KCNH7: variants seen among roughly 807,000 people sequenced by gnomAD.
KCNH7 encodes voltage-gated inwardly rectifying potassium channel KCNH7.
KCNH7 carries 49 observed loss-of-function variants against 120.8 expected under a neutral mutation model. That is an observed-to-expected ratio of 0.41 (90% CI 0.32 to 0.51). The LOEUF (loss-of-function observed/expected upper bound fraction) is 0.51. KCNH7 is among the 20% of genes least tolerant of loss of function. The probability of loss-of-function intolerance (pLI) is 0.38; values close to 1 mark genes in which losing one functional copy is unlikely to be tolerated. For missense variants in KCNH7, 1,097 were observed against 1,446.6 expected (o/e 0.76, Z 3.92); for synonymous variants, 547 against 516.1 (o/e 1.06, Z -0.81).
chr2:162,753,458 G>A (rs934685644), intron 2 of KCNH7, among the ~76,000 whole-genome samples: 48 of 152,104 alleles, frequency 3.2e-4, no homozygotes, highest in African/African-American at 1.1e-3. Flanking sequence ...CCTGCTCCCT[G>A]GAATCTGAAT....
At chr2:162,467,280 C>T (rs1689340040) in intron 6 of KCNH7, among the ~76,000 whole-genome samples, 1 of 152,172 alleles carries the variant, frequency 6.6e-6, no homozygotes, top group Admixed American at 6.5e-5. Context: ...ACCATGCTTG[C>T]TATAGTTTGG....
intron 2 of KCNH7, among the ~76,000 whole-genome samples, chr2:162,647,093 A>T (rs1022983196): frequency 2.6e-5 from 4 of 152,200 alleles, no homozygotes; most frequent in African/African-American, 9.6e-5. Flanking sequence ...TCCCAGGGCC[A>T]TGAGGTTGCT....
intron 2 of KCNH7, among the ~76,000 whole-genome samples, chr2:162,567,229 T>C (rs1291579213): frequency 6.6e-6 from 1 of 152,026 alleles, no homozygotes; most frequent in African/African-American, 2.4e-5. Flanking sequence ...ATCTTCTAAA[T>C]GACCCTCTAA....
chr2:162,590,100 G>A (rs1021621844), intron 2 of KCNH7, among the ~76,000 whole-genome samples: 31 of 152,020 alleles, frequency 2.0e-4, no homozygotes, highest in Admixed American at 1.6e-3. Flanking sequence ...GGTGCAAGTC[G>A]GGGGCAGAAG....
intron 9 of KCNH7, among the ~76,000 whole-genome samples, chr2:162,413,811 T>G (rs111612691): frequency 1.3e-5 from 2 of 151,902 alleles, no homozygotes; most frequent in African/African-American, 2.4e-5. Flanking sequence ...GACTATTTTG[T>G]ATCCAAAATA....
At chr2:162,729,785 T>A (rs1232488186) in intron 2 of KCNH7, among the ~76,000 whole-genome samples, 1 of 152,148 alleles carries the variant, frequency 6.6e-6, no homozygotes, top group Non-Finnish European at 1.5e-5. Context: ...TCCTAAAGTT[T>A]GAGAAAATAC....
intron 2 of KCNH7, among the ~76,000 whole-genome samples, chr2:162,551,069 G>A (rs527468870): frequency 1.3e-5 from 2 of 152,170 alleles, no homozygotes; most frequent in Admixed American, 1.3e-4. Flanking sequence ...AGTTCTGTGT[G>A]GTGGTCAAAA....
chr2:162,595,627 A>C (rs1435300760), intron 2 of KCNH7, among the ~76,000 whole-genome samples: 1 of 151,978 alleles, frequency 6.6e-6, no homozygotes, highest in Non-Finnish European at 1.5e-5. Flanking sequence ...TCAGTGGTGA[A>C]AAGTTGAAAA....
Position 162,400,241 on chromosome 2 carries a change from T to A in KCNH7, c.2355A>T (p.Leu785Phe). 6.2e-7 allele frequency: 1 copy of A among 1,612,208 alleles called. No individual in the cohort carries two copies. Among genetic ancestry groups the A allele is most frequent in the Non-Finnish European group, 8.5e-7 (1 of 1,178,854 alleles). The change falls in exon 10 of 16, where the codon TTA becomes TTT. Residue 785 changes from leucine (L) to phenylalanine (F), a missense_variant. This residue lies in a region of KCNH7 where 101 missense variants were observed against 176.3 expected (regional missense o/e 0.57). Coordinates refer to ENST00000332142, the MANE Select transcript of KCNH7 (RefSeq NM_033272.4). ...CGDVLTALYF[L>F]SRGSIEILKD... ...TGAGAATTTCAATGGAGCCTCTGGA[T>A]AAGAAATAAAGTGCAGTGAGGACAT...
chr2:162,686,044 G>A (rs759376840), intron 2 of KCNH7, among the ~76,000 whole-genome samples: 1 of 151,960 alleles, frequency 6.6e-6, no homozygotes, highest in Non-Finnish European at 1.5e-5. Flanking sequence ...CAGGTCAAGG[G>A]GATTGAGAAA....
At chr2:162,624,081 G>T (rs1331112856) in intron 2 of KCNH7, among the ~76,000 whole-genome samples, 1 of 152,024 alleles carries the variant, frequency 6.6e-6, no homozygotes, top group Admixed American at 6.6e-5. Flanking sequence ...TACACTGCCT[G>T]CCCACCTCCT....
At chr2:162,554,968 T>A (rs940055065) in intron 2 of KCNH7, among the ~76,000 whole-genome samples, 17 of 152,326 alleles carry the variant, frequency 1.1e-4, no homozygotes, top group African/African-American at 3.6e-4. Flanking sequence ...AGAACTTATA[T>A]GATGACACTG....
intron 2 of KCNH7, among the ~76,000 whole-genome samples, chr2:162,580,777 G>C (rs186838153): frequency 2.0e-5 from 3 of 151,976 alleles, no homozygotes; most frequent in Non-Finnish European, 4.4e-5. Flanking sequence ...AGGTTGAGAA[G>C]AGTACTTGGT....
intron 2 of KCNH7, among the ~76,000 whole-genome samples, chr2:162,591,406 G>A: frequency 6.6e-6 from 1 of 151,844 alleles, no homozygotes; most frequent in East Asian, 1.9e-4. Context: ...AAAAAAACAA[G>A]CTAGAGTCAC....
intron 2 of KCNH7, among the ~76,000 whole-genome samples, chr2:162,799,016 C>T (rs1458147541): frequency 6.6e-6 from 1 of 151,914 alleles, no homozygotes; most frequent in East Asian, 1.9e-4. Context: ...CTCTAAATGG[C>T]CATTTATGAT....
At chr2:162,528,195 T>C (rs1691780609) in intron 3 of KCNH7, 1 of 151,986 alleles carries the variant, frequency 6.6e-6, no homozygotes, top group Non-Finnish European at 1.5e-5. Context: ...ATTTGCAAAA[T>C]ATTAGGTCTA....
chr2:162,707,056 A>AT (rs892402875), intron 2 of KCNH7, among the ~76,000 whole-genome samples: 2 of 151,992 alleles, frequency 1.3e-5, no homozygotes, highest in Non-Finnish European at 2.9e-5. Context: ...GTGACAGTCC[A>AT]TTTTTTTGCC....
At chr2:162,790,448 A>C (rs1341922255) in intron 2 of KCNH7, among the ~76,000 whole-genome samples, 1 of 152,020 alleles carries the variant, frequency 6.6e-6, no homozygotes, top group East Asian at 1.9e-4. Flanking sequence ...AACTCTTCCA[A>C]AAAATTAAAG....
chr2:162,420,846 A>C (rs1687680518), intron 9 of KCNH7, among the ~76,000 whole-genome samples: 1 of 152,184 alleles, frequency 6.6e-6, no homozygotes. Context: ...ACGATACATA[A>C]ATTTGAATGA....
Sources: allele counts gnomAD v4.1 joint callset (sites outside exome capture counted in the v4.1 genomes callset), GRCh38; gene constraint gnomAD v4.1.1; regional missense constraint gnomAD v4.1.1; transcripts MANE v1.5; gene names NCBI Gene and HGNC (gene_info 2026-07-23, HGNC 2026-07-21).